Variants in RBFOX1 observed in about 807,000 individuals in gnomAD.
The protein encoded by RBFOX1 is RNA binding fox-1 homolog 1, also known as RNA binding protein fox-1 homolog 1.
Under a neutral mutation model 57.7 loss-of-function variants are expected in RBFOX1, and 8 were observed. The observed-to-expected ratio is 0.14, with a 90% confidence interval of 0.08 to 0.25. RBFOX1 has a LOEUF of 0.25. Among genes scored for constraint, RBFOX1 ranks in the 10% least tolerant of loss-of-function variants. The pLI, the probability that RBFOX1 is intolerant of heterozygous loss-of-function variation, is 1.00. For missense variants in RBFOX1, 611 were observed against 548.5 expected (o/e 1.11, Z -1.14); for synonymous variants, 326 against 222.4 (o/e 1.47, Z -4.15).
intron 1 of RBFOX1, among the ~76,000 whole-genome samples, chr16:6,080,300 C>T (rs2095980920): frequency 6.6e-6 from 1 of 151,488 alleles, no homozygotes; most frequent in African/African-American, 2.4e-5. Flanking sequence ...CCACCATTTT[C>T]TGCTTCACAT....
At chr16:5,589,509 C>G (rs377082340) in intron 2 of RBFOX1, among the ~76,000 whole-genome samples, 1 of 152,182 alleles carries the variant, frequency 6.6e-6, no homozygotes, top group African/African-American at 2.4e-5. Context: ...AGGTAAGTAT[C>G]TTGTCCAAGG....
rs111792351 is a variant in RBFOX1 at position 6,922,659 on chromosome 16, AGGGT to A, written c.-15-129395_-15-129392del. ...TGTGCAGCCACCTGTAAGCCAGGTGAGGGTGGAGTAAACTTAGGCCATGTTTTGG... is the reference window on the plus strand; with the variant it reads ...TGTGCAGCCACCTGTAAGCCAGGTGAGGAGTAAACTTAGGCCATGTTTTGG... On this transcript the variant is annotated intron_variant, in intron 3 of 15. Transcript: ENST00000550418. Among the ~76,000 whole-genome samples, 1,255 of 152,294 alleles carry A rather than the reference AGGGT, an allele frequency of 8.2e-3. 14 individuals carry two copies. Among genetic ancestry groups the A allele is most frequent in the African/African-American group, 0.028 (1,164 of 41,564 alleles).
chr16:6,609,581 G>A (rs1431212690), intron 2 of RBFOX1, among the ~76,000 whole-genome samples: 1 of 152,030 alleles, frequency 6.6e-6, no homozygotes, highest in South Asian at 2.1e-4. Context: ...TAAAATCAAG[G>A]CATTTCCTTA....
intron 2 of RBFOX1, among the ~76,000 whole-genome samples, chr16:6,524,923 C>T (rs76930814): frequency 0.035 from 5,387 of 152,194 alleles, 319 homozygotes; most frequent in African/African-American, 0.12. Flanking sequence ...CCAGTATGAC[C>T]TCATCTTAAC....
intron 2 of RBFOX1, among the ~76,000 whole-genome samples, chr16:6,400,361 A>T (rs1487118857): frequency 6.6e-6 from 1 of 152,228 alleles, no homozygotes; most frequent in Non-Finnish European, 1.5e-5. Flanking sequence ...TCTCACATTA[A>T]TGCAGATATC....
intron 4 of RBFOX1, among the ~76,000 whole-genome samples, chr16:7,312,241 G>C (rs940883193): frequency 1.3e-5 from 2 of 152,142 alleles, no homozygotes; most frequent in African/African-American, 4.8e-5. Flanking sequence ...TTATCTGAGC[G>C]TGGTGGAGCA....
chr16:6,266,617 G>A (rs1456593073), intron 1 of RBFOX1, among the ~76,000 whole-genome samples: 1 of 151,968 alleles, frequency 6.6e-6, no homozygotes, highest in African/African-American at 2.4e-5. Context: ...AGGGGGCTGA[G>A]GCAGGAGAGT....
Position 7,268,980 on chromosome 16 carries a change from T to G in RBFOX1, c.27+216882T>G, listed in dbSNP as rs865918898. ...TGAACCCTGAAGGCAGAGTTTGCAG[T>G]GAGCCGAGATCACGCCAGTGCACTC... On this transcript the variant is annotated intron_variant, in intron 4 of 15. Transcript: ENST00000550418. 3.1e-4 allele frequency among the ~76,000 whole-genome samples: 42 copies of G among 135,330 alleles called. 1 individual carries two copies. The highest frequency in any genetic ancestry group is 1.2e-3 in the African/African-American group (42 of 35,126). 88.8% of individuals were successfully genotyped at this position (135,330 alleles called of 152,430 possible).
intron 3 of RBFOX1, among the ~76,000 whole-genome samples, chr16:6,908,291 T>C (rs1456535377): frequency 6.6e-6 from 1 of 151,756 alleles, no homozygotes; most frequent in Non-Finnish European, 1.5e-5. Flanking sequence ...TGGGCAGGCC[T>C]GCACCCCCAG....
chr16:6,718,324 A>C (rs2065245868), intron 3 of RBFOX1, among the ~76,000 whole-genome samples: 1 of 152,196 alleles, frequency 6.6e-6, no homozygotes, highest in East Asian at 1.9e-4. Context: ...TCTTTAGTAA[A>C]TACACTACAA....
chr16:5,543,804 CT>C (rs1363764246), intron 2 of RBFOX1, among the ~76,000 whole-genome samples: 1 of 152,060 alleles, frequency 6.6e-6, no homozygotes, highest in Middle Eastern at 3.2e-3. Flanking sequence ...AGACAGATTA[CT>C]TACAGAGCCA....
At chr16:6,906,426 A>C (rs568874639) in intron 3 of RBFOX1, among the ~76,000 whole-genome samples, 1 of 152,304 alleles carries the variant, frequency 6.6e-6, no homozygotes, top group Non-Finnish European at 1.5e-5. Context: ...ATTATGGGAA[A>C]ATAGCCTCTG....
At chr16:6,553,385 C>A (rs1302630831) in intron 2 of RBFOX1, among the ~76,000 whole-genome samples, 3 of 152,260 alleles carry the variant, frequency 2.0e-5, no homozygotes, top group East Asian at 3.9e-4. Flanking sequence ...ATTCAGTGAA[C>A]GTCTATCAAG....
chr16:7,071,932 T>C (rs535777202), intron 4 of RBFOX1, among the ~76,000 whole-genome samples: 15 of 152,288 alleles, frequency 9.8e-5, no homozygotes, highest in African/African-American at 3.6e-4. Context: ...TACATCTTTT[T>C]CAGCTCTACC....
chr16:6,886,378 G>A (rs1011193659), intron 3 of RBFOX1, among the ~76,000 whole-genome samples: 3 of 151,930 alleles, frequency 2.0e-5, no homozygotes, highest in South Asian at 2.1e-4. Context: ...AGCACCTTAC[G>A]TGTGTGTCAC....
At chr16:5,903,249 C>T (rs1451249153) in intron 4 of RBFOX1, among the ~76,000 whole-genome samples, 1 of 152,200 alleles carries the variant, frequency 6.6e-6, no homozygotes, top group African/African-American at 2.4e-5. Context: ...ATTCTCCACT[C>T]TACCTTGTTG....
chr16:5,618,558 C>T (rs1028246398), intron 3 of RBFOX1, among the ~76,000 whole-genome samples: 2 of 152,086 alleles, frequency 1.3e-5, no homozygotes, highest in African/African-American at 4.8e-5. Context: ...AGGATGTTCT[C>T]GATCTCCTGA....
rs60277866 is a variant in RBFOX1 at position 6,800,057 on chromosome 16, G to T, written c.-16+145407G>T. ...TAATACACCATCTAAGATAACTTCT[G>T]GGCATTGTCATGGTGTCAGTAAACT... On this transcript the variant is annotated intron_variant, in intron 3 of 15. Coordinates refer to ENST00000550418, the MANE Select transcript of RBFOX1 (RefSeq NM_018723.4). Among the ~76,000 whole-genome samples the T allele has an allele frequency of 4.7e-4, 72 of 152,212 alleles. No homozygotes were observed. The East Asian group carries it at 0.013, about 27-fold the overall frequency.
At chr16:6,510,309 G>A (rs1440169142) in intron 2 of RBFOX1, among the ~76,000 whole-genome samples, 1 of 152,154 alleles carries the variant, frequency 6.6e-6, no homozygotes, top group African/African-American at 2.4e-5. Context: ...TCAAGTTGAA[G>A]TGTTTTTGAG....
Sources: gnomAD v4.1 joint callset for allele counts (sites outside exome capture counted in the v4.1 genomes callset) on GRCh38, gnomAD v4.1.1 for gene constraint, MANE v1.5 for transcripts, NCBI Gene and HGNC (gene_info 2026-07-23, HGNC 2026-07-21) for gene names.